IPP: variants seen among roughly 807,000 people sequenced by gnomAD.
The protein encoded by IPP is actin-binding protein IPP.
Under a neutral mutation model 64.1 loss-of-function variants are expected in IPP, and 41 were observed. The ratio of observed to expected loss-of-function variants is 0.64; its 90% CI spans 0.50 to 0.83. IPP has a LOEUF of 0.83. IPP is among the 40% of genes least tolerant of loss of function. The probability of loss-of-function intolerance (pLI) is 0.00; values close to 1 mark genes in which losing one functional copy is unlikely to be tolerated. For synonymous variants in IPP, 214 were observed against 235.2 expected, an observed-to-expected ratio of 0.91 and a Z score of 0.83; for missense variants, 649 against 703.0, an observed-to-expected ratio of 0.92 and a Z score of 0.87.
chr1:45,725,691 G>C (rs1287557965), intron 5 of IPP, among the ~76,000 whole-genome samples: 2 of 137,868 alleles, frequency 1.5e-5, no homozygotes, highest in African/African-American at 5.3e-5. Context: ...ATGGTTGCCG[G>C]GTCTGTGTGG....
chr1:45,717,635 C>T (rs551339196), intron 6 of IPP, among the ~76,000 whole-genome samples: 2 of 152,112 alleles, frequency 1.3e-5, no homozygotes, highest in East Asian at 1.9e-4. Context: ...CCTCAGCCTC[C>T]GGAGTAGCTG....
intron 2 of IPP, among the ~76,000 whole-genome samples, chr1:45,741,880 G>A (rs1406792311): frequency 2.6e-5 from 2 of 77,954 alleles, no homozygotes; most frequent in East Asian, 4.7e-4. Context: ...CGCCCGCCTC[G>A]GCCTCCCAAA....
At chr1:45,737,094 G>A (rs960167538) in intron 3 of IPP, among the ~76,000 whole-genome samples, 9 of 150,214 alleles carry the variant, frequency 6.0e-5, no homozygotes, top group Non-Finnish European at 1.3e-4. Context: ...CCCATTTCTA[G>A]GGGACACTGC....
chr1:45,746,403 A>G lies in IPP; in HGVS notation c.9T>C (p.Asn3=), dbSNP rs776551582. The G allele has an allele frequency of 6.2e-7, 1 of 1,606,810 alleles. No individual in the cohort carries two copies. Residue 3 remains asparagine (N), a synonymous_variant, in exon 2 of 9, where the codon AAT becomes AAC. Coordinates refer to ENST00000396478, the MANE Select transcript of IPP (RefSeq NM_005897.3). ...TATCAGCAGCCTTGGGACAGTCCTCATTAGCCATGATGACGGTAGATTAAT... is the reference window on the plus strand; with the variant it reads ...TATCAGCAGCCTTGGGACAGTCCTCGTTAGCCATGATGACGGTAGATTAAT... The part of the protein sequence containing the change: MA[N]EDCPKAADSP...
chr1:45,699,540 A>G lies in IPP; in HGVS notation c.*426T>C. 1 of 989,850 alleles carries G rather than the reference A, an allele frequency of 1.0e-6. No individual in the cohort carries two copies. The highest frequency in any genetic ancestry group is 1.2e-6 in the Non-Finnish European group (1 of 832,344). The allele number at this position is 989,850 out of a possible 1,614,324, so 61.3% of individuals were successfully genotyped here. A position where few individuals can be genotyped will look rare whatever the true frequency, so the allele number is the denominator to read the frequency against. ...GAGTTGTCTACACTTAAACTGGAGAATTCTACAGCATAAATGGCATTTCTA... is the reference window on the plus strand; with the variant it reads ...GAGTTGTCTACACTTAAACTGGAGAGTTCTACAGCATAAATGGCATTTCTA... On this transcript the variant is annotated 3_prime_UTR_variant, in exon 9 of 9. Transcript: ENST00000396478.
intron 8 of IPP, among the ~76,000 whole-genome samples, chr1:45,700,726 G>A (rs1017095303): frequency 2.0e-5 from 3 of 152,186 alleles, no homozygotes; most frequent in African/African-American, 7.2e-5. Context: ...TATAAAACAT[G>A]ATCAGGAAAT....
intron 2 of IPP, among the ~76,000 whole-genome samples, chr1:45,744,541 T>TA (rs148906343): frequency 2.6e-5 from 4 of 151,982 alleles, no homozygotes; most frequent in Admixed American, 2.6e-4. Context: ...CCCAGCTAAT[T>TA]AAAAAAAATT....
At chr1:45,727,247 G>C (rs1370320662) in intron 5 of IPP, among the ~76,000 whole-genome samples, 1 of 151,482 alleles carries the variant, frequency 6.6e-6, no homozygotes, top group Admixed American at 6.6e-5. Flanking sequence ...ATAAAGTCTC[G>C]ATATATTGCC....
rs1222081449 is a variant in IPP, at chr1:45,716,941, A to C, written c.1263T>G (p.Gly421=). Residue 421 remains glycine, a synonymous_variant, in exon 7 of 9, where the codon GGT becomes GGG. Coordinates refer to ENST00000396478, the MANE Select transcript of IPP (RefSeq NM_005897.3). ...AGTAGTAGCGTGACACAGCCATGTT[A>C]CCAACTACTTCCCATTTATTTTCAT... is the stretch of plus-strand genomic sequence containing the variant. ...DPDENKWEVV[G]NMAVSRYYFG... The C allele has an allele frequency of 6.2e-7, 1 of 1,612,770 alleles. No homozygotes were observed. Among genetic ancestry groups the C allele is most frequent in the South Asian group, 1.1e-5 (1 of 90,992 alleles).
chr1:45,740,096 C>T (rs1393508999), intron 3 of IPP, among the ~76,000 whole-genome samples: 1 of 152,166 alleles, frequency 6.6e-6, no homozygotes, highest in Non-Finnish European at 1.5e-5. Context: ...CCATTTAACC[C>T]TGAGTGGACA....
rs1360423847 is a variant in IPP at position 45,699,398 on chromosome 1, C to T, written c.*568G>A. The T allele has an allele frequency of 2.0e-6, 2 of 985,156 alleles. No homozygotes were observed. Among genetic ancestry groups the T allele is most frequent in the African/African-American group, 3.5e-5 (2 of 57,230 alleles). The allele number at this position is 985,156 out of a possible 1,614,324, so 61.0% of individuals were successfully genotyped here. A position where few individuals can be genotyped will look rare whatever the true frequency, so the allele number is the denominator to read the frequency against. On this transcript the variant is annotated 3_prime_UTR_variant, in exon 9 of 9. Coordinates refer to ENST00000396478, the MANE Select transcript of IPP (RefSeq NM_005897.3). ...AGGTCTTTAAACTGTGTCATTGACACTATTCCTATATCACATAAAGTTTTA... is the reference window on the plus strand; with the variant it reads ...AGGTCTTTAAACTGTGTCATTGACATTATTCCTATATCACATAAAGTTTTA...
At chr1:45,723,090 T>C (rs1379235454) in intron 5 of IPP, among the ~76,000 whole-genome samples, 3 of 152,212 alleles carry the variant, frequency 2.0e-5, no homozygotes, top group Non-Finnish European at 1.5e-5. Context: ...CACTAAACTA[T>C]ATTCTCTAAA....
At chr1:45,704,126 C>T (rs1358956578) in intron 8 of IPP, among the ~76,000 whole-genome samples, 27 of 152,064 alleles carry the variant, frequency 1.8e-4, no homozygotes, top group Admixed American at 1.8e-3. Flanking sequence ...TAGGCAGTGA[C>T]TGGATGGGTC....
Position 45,746,226 on chromosome 1 carries a change from A to C in IPP, c.186T>G (p.Phe62Leu), listed in dbSNP as rs1646131222. Residue 62 changes from phenylalanine to leucine, a missense_variant, in exon 2 of 9, where the codon TTT becomes TTG. Phe to Leu is a conservative substitution (Grantham distance 22). Coordinates refer to ENST00000396478, the MANE Select transcript of IPP (RefSeq NM_005897.3). The part of the protein sequence containing the change: ...RLVLAASSPY[F>L]AALFTGGMKE... ...TCATTCCTCCAGTGAACAAAGCTGCAAAGTAAGGACTGCTGGCAGCCAAAA... is the reference window on the plus strand; with the variant it reads ...TCATTCCTCCAGTGAACAAAGCTGCCAAGTAAGGACTGCTGGCAGCCAAAA... The C allele has an allele frequency of 6.2e-7, 1 of 1,614,080 alleles. No homozygotes were observed.
intron 3 of IPP, among the ~76,000 whole-genome samples, chr1:45,731,368 G>A (rs1178109317): frequency 6.6e-6 from 1 of 152,154 alleles, no homozygotes; most frequent in Non-Finnish European, 1.5e-5. Context: ...TTGAGCCCAG[G>A]AAGTCAAGGC....
At chr1:45,728,356 G>A (rs1645861206) in intron 4 of IPP, among the ~76,000 whole-genome samples, 1 of 151,304 alleles carries the variant, frequency 6.6e-6, no homozygotes, top group Non-Finnish European at 1.5e-5. Flanking sequence ...ATACATATAT[G>A]TAATTATATA....
At chr1:45,716,541 A>G (rs1248404371) in intron 7 of IPP, among the ~76,000 whole-genome samples, 1 of 152,144 alleles carries the variant, frequency 6.6e-6, no homozygotes, top group African/African-American at 2.4e-5. Flanking sequence ...CACCACACCC[A>G]AAAACTGTTT....
downstream of IPP, chr1:45,697,943 G>A (rs1645401280): frequency 6.9e-6 from 1 of 144,768 alleles, no homozygotes; most frequent in Non-Finnish European, 1.5e-5. Context: ...GAGTGACAGG[G>A]CAAGACTCCA....
intron 5 of IPP, among the ~76,000 whole-genome samples, chr1:45,724,134 G>A (rs539386503): frequency 9.9e-5 from 15 of 152,198 alleles, no homozygotes; most frequent in Non-Finnish European, 1.5e-4. Flanking sequence ...GGCGCGCGCC[G>A]CCACGCCTGA....
Sources: gnomAD v4.1 joint callset for allele counts (sites outside exome capture counted in the v4.1 genomes callset) on GRCh38, gnomAD v4.1.1 for gene constraint, MANE v1.5 for transcripts, NCBI Gene and HGNC (gene_info 2026-07-23, HGNC 2026-07-21) for gene names.